CKAP5: variants seen among roughly 807,000 people sequenced by gnomAD.
The protein encoded by CKAP5 is cytoskeleton associated protein 5.
In CKAP5, 27 loss-of-function variants were observed where a neutral mutation model predicts 232.8. The observed-to-expected ratio is 0.12, with a 90% CI of 0.09 to 0.16. The LOEUF (loss-of-function observed/expected upper bound fraction) is 0.16. Ranked by LOEUF, CKAP5 falls within the 10% of genes least tolerant of loss-of-function variation. CKAP5 has a pLI of 1.00. For missense variants in CKAP5, 1,838 were observed against 2,424.7 expected (o/e 0.76, Z 5.08); for synonymous variants, 785 against 841.1 (o/e 0.93, Z 1.16).
Position 46,744,591 on chromosome 11 carries a change from A to G in CKAP5, c.5705-14T>C. 6.2e-7 allele frequency: 1 copy of G among 1,612,186 alleles called. No individual in the cohort carries two copies. The highest frequency in any genetic ancestry group is 1.1e-5 in the South Asian group (1 of 90,978). ...GAGGGGAGATGCCTAGAGGGGAAAAAGTAGAAAGAATATTCAGATATCCAC... is the reference window on the plus strand; with the variant it reads ...GAGGGGAGATGCCTAGAGGGGAAAAGGTAGAAAGAATATTCAGATATCCAC... On this transcript the variant is annotated splice_polypyrimidine_tract_variant and intron_variant, in intron 42 of 43. Coordinates refer to ENST00000529230, the MANE Select transcript of CKAP5 (RefSeq NM_001008938.4).
chr11:46,745,411 T>C (rs2065014991), intron 42 of CKAP5, among the ~76,000 whole-genome samples: 1 of 152,170 alleles, frequency 6.6e-6, no homozygotes, highest in Admixed American at 6.5e-5. Flanking sequence ...CAATATGAGA[T>C]GTCTGAATAC....
At chr11:46,836,413 T>TA (rs1242009074) in intron 1 of CKAP5, among the ~76,000 whole-genome samples, 3 of 152,224 alleles carry the variant, frequency 2.0e-5, no homozygotes, top group Non-Finnish European at 4.4e-5. Context: ...CGAATAATTT[T>TA]AAAAAGTGAG....
At chr11:46,777,373 T>A in intron 23 of CKAP5, 66 bp downstream of exon 23, 1 of 973,130 alleles carries the variant, frequency 1.0e-6, no homozygotes, top group Non-Finnish European at 1.6e-6. Flanking sequence ...AAGAGAATTA[T>A]CTTTAACCCA....
At chr11:46,842,604 G>A (rs895456779) in intron 1 of CKAP5, among the ~76,000 whole-genome samples, 2 of 152,176 alleles carry the variant, frequency 1.3e-5, no homozygotes, top group Non-Finnish European at 2.9e-5. Context: ...AAACCATTAG[G>A]TTAAGAGAAT....
chr11:46,810,396 C>A (rs1277797657), intron 5 of CKAP5, among the ~76,000 whole-genome samples: 2 of 152,136 alleles, frequency 1.3e-5, no homozygotes, highest in Admixed American at 6.6e-5. Context: ...GCAGCCTCCA[C>A]CTCCCCAGGT....
intron 5 of CKAP5, 64 bp downstream of exon 5, chr11:46,810,943 G>A (rs529691110): frequency 1.2e-5 from 17 of 1,362,482 alleles, no homozygotes; most frequent in East Asian, 1.2e-4. Flanking sequence ...TATCAACAAC[G>A]ATAGGAAGAA....
chr11:46,814,227 G>C (rs1343303380), intron 4 of CKAP5, among the ~76,000 whole-genome samples: 6 of 149,952 alleles, frequency 4.0e-5, no homozygotes, highest in Non-Finnish European at 8.9e-5. Flanking sequence ...GCATAGTTCT[G>C]ATAACTAAGA....
At position 46,808,209 on chromosome 11, in the gene CKAP5, T is replaced by C. The variant is rs1939199547; in HGVS notation, c.865-65A>G. On this transcript the variant is annotated intron_variant, in intron 7 of 43. Transcript: ENST00000529230. ...GAGAGCGGAATAAAAGTCTATTTATTGCACTCTGCTAATTCAAAGATACAT... is the reference window on the plus strand; with the variant it reads ...GAGAGCGGAATAAAAGTCTATTTATCGCACTCTGCTAATTCAAAGATACAT... The C allele has an allele frequency of 2.9e-6, 3 of 1,030,598 alleles. No individual in the cohort carries two copies. In the East Asian group the frequency reaches 7.2e-5, roughly 25 times the overall value. The allele number at this position is 1,030,598 out of a possible 1,614,324, so 63.8% of individuals were successfully genotyped here. A position where few individuals can be genotyped will look rare whatever the true frequency, so the allele number is the denominator to read the frequency against.
intron 1 of CKAP5, among the ~76,000 whole-genome samples, chr11:46,824,236 TTTCA>T (rs1360119542): frequency 2.6e-5 from 4 of 152,218 alleles, no homozygotes; most frequent in African/African-American, 7.2e-5. Context: ...TATGTGGAAC[TTTCA>T]TTAAGATTTT....
intron 1 of CKAP5, among the ~76,000 whole-genome samples, chr11:46,835,869 C>T (rs1939905698): frequency 6.6e-6 from 1 of 152,192 alleles, no homozygotes; most frequent in East Asian, 1.9e-4. Flanking sequence ...CTAGCAAACA[C>T]TAACTTAATC....
chr11:46,832,781 G>T (rs1939822141), intron 1 of CKAP5, among the ~76,000 whole-genome samples: 1 of 151,988 alleles, frequency 6.6e-6, no homozygotes, highest in African/African-American at 2.4e-5. Context: ...ATGAGATTTT[G>T]CCTTTTACAT....
At position 46,800,047 on chromosome 11, in the gene CKAP5, G is replaced by A. The variant is rs1425257400; in HGVS notation, c.1083+1153C>T. On this transcript the variant is annotated intron_variant, in intron 9 of 43. Coordinates refer to ENST00000529230, the MANE Select transcript of CKAP5 (RefSeq NM_001008938.4). ...TTCTCTGAACTGATATTTAAGTGGT[G>A]TAGGAAAAAATTGTTTTTTATCTTG... is the stretch of plus-strand genomic sequence containing the variant. Among the ~76,000 whole-genome samples, 3 of 151,956 alleles carry A rather than the reference G, an allele frequency of 2.0e-5. No homozygotes were observed. In the South Asian group the frequency reaches 6.2e-4, roughly 32 times the overall value.
At chr11:46,800,059 T>C (rs557735307) in intron 9 of CKAP5, among the ~76,000 whole-genome samples, 1 of 152,102 alleles carries the variant, frequency 6.6e-6, no homozygotes, top group Non-Finnish European at 1.5e-5. Context: ...AGGAAAAAAT[T>C]GTTTTTTATC....
intron 8 of CKAP5, among the ~76,000 whole-genome samples, chr11:46,807,723 TA>T (rs1261604415): frequency 6.6e-6 from 1 of 152,212 alleles, no homozygotes; most frequent in East Asian, 1.9e-4. Flanking sequence ...CTAACTTAAA[TA>T]GCTCATCCTA....
intron 8 of CKAP5, among the ~76,000 whole-genome samples, chr11:46,801,857 C>A (rs1024681385): frequency 6.6e-6 from 1 of 152,112 alleles, no homozygotes; most frequent in Non-Finnish European, 1.5e-5. Context: ...GCTCACTATC[C>A]AGTAGTGGCA....
Position 46,809,878 on chromosome 11 carries a change from C to G in CKAP5, c.631-4G>C. On this transcript the variant is annotated splice_region_variant and splice_polypyrimidine_tract_variant and intron_variant, in intron 5 of 43. Transcript: ENST00000529230. Reference sequence around the variant, plus strand: ...ATTCTTCTTCTAGTTCTTTCAACTGCAAATGTCATATAATATTTAAATAAT... The same window carrying G: ...ATTCTTCTTCTAGTTCTTTCAACTGGAAATGTCATATAATATTTAAATAAT... The G allele has an allele frequency of 6.2e-7, 1 of 1,604,180 alleles. No homozygotes were observed. Among genetic ancestry groups the G allele is most frequent in the Non-Finnish European group, 8.5e-7 (1 of 1,176,804 alleles).
chr11:46,802,553 GACAGACACAC>G (rs1415477729), intron 8 of CKAP5, among the ~76,000 whole-genome samples: 7 of 142,558 alleles, frequency 4.9e-5, no homozygotes, highest in African/African-American at 1.4e-4. Context: ...CAGACAGACA[GACAGACACAC>G]ACACACACAC....
rs572478834 is a variant in CKAP5, at chr11:46,831,527, CTTTCTGT to C, written c.-37-10266_-37-10260del. Among the ~76,000 whole-genome samples the C allele has an allele frequency of 3.4e-4, 52 of 152,138 alleles. No individual in the cohort carries two copies. The South Asian group carries it at 8.3e-3, about 24-fold the overall frequency. On this transcript the variant is annotated intron_variant, in intron 1 of 43. Coordinates refer to ENST00000529230, the MANE Select transcript of CKAP5 (RefSeq NM_001008938.4). ...CACCATTTCATCAAGTCACAGAAGT[CTTTCTGT>C]TTTTTGTTTTTTGAGACAGGGTATT...
intron 27 of CKAP5, among the ~76,000 whole-genome samples, chr11:46,766,011 A>G (rs2065200014): frequency 6.6e-6 from 1 of 152,262 alleles, no homozygotes; most frequent in African/African-American, 2.4e-5. Context: ...GTTACAAGAA[A>G]TGCTTTAAAT....
Sources: allele counts gnomAD v4.1 joint callset (sites outside exome capture counted in the v4.1 genomes callset), GRCh38; gene constraint gnomAD v4.1.1; transcripts MANE v1.5; gene names NCBI Gene and HGNC (gene_info 2026-07-23, HGNC 2026-07-21).